VTI1A: variants seen among roughly 807,000 people sequenced by gnomAD.
VTI1A encodes vesicle transport through interaction with t-SNAREs homolog 1A.
Under a neutral mutation model 34.9 loss-of-function variants are expected in VTI1A, and 22 were observed. The ratio of observed to expected loss-of-function variants is 0.63; its 90% CI spans 0.45 to 0.90. The LOEUF (loss-of-function observed/expected upper bound fraction) is 0.90, where lower values mean the gene tolerates loss of function less well. VTI1A is among the 40% of genes least tolerant of loss of function. VTI1A has a pLI of 0.00. For missense variants in VTI1A, 268 were observed against 275.6 expected (o/e 0.97, Z 0.20); for synonymous variants, 87 against 97.3 (o/e 0.89, Z 0.62).
downstream of VTI1A, chr10:112,823,507 G>C (rs913958796): frequency 2.0e-5 from 3 of 152,308 alleles, no homozygotes; most frequent in East Asian, 1.9e-4. Context: ...ATTTTCAAAG[G>C]CTTCTCTCCC....
intron 5 of VTI1A, among the ~76,000 whole-genome samples, chr10:112,561,061 TTC>T (rs1851708490): frequency 6.6e-6 from 1 of 152,160 alleles, no homozygotes; most frequent in Admixed American, 6.5e-5. Context: ...ATTCAAGTGG[TTC>T]TCTCAAAAAA....
chr10:112,686,487 G>A (rs1848419818), intron 7 of VTI1A, among the ~76,000 whole-genome samples: 1 of 152,168 alleles, frequency 6.6e-6, no homozygotes, highest in Non-Finnish European at 1.5e-5. Context: ...CCTTGGGCCT[G>A]TCTGCCTGGG....
At chr10:112,760,624 C>T (rs1851429329) in intron 7 of VTI1A, among the ~76,000 whole-genome samples, 1 of 152,226 alleles carries the variant, frequency 6.6e-6, no homozygotes, top group Non-Finnish European at 1.5e-5. Context: ...GGCACAGTGG[C>T]TCACGCCTGC....
chr10:112,761,382 C>T (rs1367549083), intron 7 of VTI1A, among the ~76,000 whole-genome samples: 4 of 152,112 alleles, frequency 2.6e-5, no homozygotes, highest in East Asian at 1.9e-4. Context: ...AAGACTATAT[C>T]GTCAGGCTTT....
Position 112,486,927 on chromosome 10 carries a change from C to G in VTI1A, c.264+22270C>G, listed in dbSNP as rs183125373. 2.0e-5 allele frequency among the ~76,000 whole-genome samples: 3 copies of G among 151,932 alleles called. No individual in the cohort carries two copies. In the East Asian group the frequency reaches 5.8e-4, roughly 29 times the overall value. ...TTTTTGATTTTGCCACATTTAATCT[C>G]TCTTTACCGCAGTGCATTGTGTATG... On this transcript the variant is annotated intron_variant, in intron 3 of 7. Transcript: ENST00000393077.
At chr10:112,527,033 G>A in intron 3 of VTI1A, 54 bp from the exon 4 acceptor site, 2 of 1,578,724 alleles carry the variant, frequency 1.3e-6, no homozygotes, top group Non-Finnish European at 1.7e-6. Context: ...AAGCTTGGAA[G>A]CTTTTACTTT....
chr10:112,553,915 T>A (rs1851456777), intron 5 of VTI1A, among the ~76,000 whole-genome samples: 1 of 152,210 alleles, frequency 6.6e-6, no homozygotes, highest in South Asian at 2.1e-4. Flanking sequence ...ATTTCTTGCC[T>A]ACTTCACTGC....
At chr10:112,733,866 C>T (rs1010175951) in intron 7 of VTI1A, among the ~76,000 whole-genome samples, 3 of 151,780 alleles carry the variant, frequency 2.0e-5, no homozygotes, top group Admixed American at 2.0e-4. Flanking sequence ...AGTGATTCTC[C>T]TACCTCAGCC....
chr10:112,687,948 C>CTTTTTTTTTTTTTTTTTTTTTTTTTT (rs11442025), intron 7 of VTI1A, among the ~76,000 whole-genome samples: 1 of 115,574 alleles, frequency 8.7e-6, no homozygotes. Context: ...GTGACCAAGT[C>CTTTTTTTTTTTTTTTTTTTTTTTTTT]TTTTTTTTTT....
chr10:112,523,063 C>T (rs961805704), intron 3 of VTI1A, among the ~76,000 whole-genome samples: 6 of 152,018 alleles, frequency 3.9e-5, no homozygotes, highest in African/African-American at 1.2e-4. Flanking sequence ...ATACAGGAGG[C>T]GGTACCACAG....
intron 5 of VTI1A, among the ~76,000 whole-genome samples, chr10:112,560,794 A>G (rs1210761085): frequency 1.3e-5 from 2 of 151,862 alleles, no homozygotes; most frequent in African/African-American, 2.4e-5. Context: ...ACGAGGTTTC[A>G]CCATGTTGGC....
chr10:112,476,131 G>A (rs1225713260), intron 3 of VTI1A, among the ~76,000 whole-genome samples: 2 of 152,162 alleles, frequency 1.3e-5, no homozygotes, highest in African/African-American at 2.4e-5. Flanking sequence ...GTTATTTGGT[G>A]TTTGGAACAT....
intron 3 of VTI1A, 22 bp from the exon 4 acceptor site, chr10:112,527,065 C>G (rs762506370): frequency 6.2e-7 from 1 of 1,610,186 alleles, no homozygotes; most frequent in Non-Finnish European, 8.5e-7. Flanking sequence ...CTCACTCTCT[C>G]CCTTTTTGTT....
At chr10:112,667,702 A>G (rs1847694294) in intron 5 of VTI1A, among the ~76,000 whole-genome samples, 1 of 152,196 alleles carries the variant, frequency 6.6e-6, no homozygotes, top group South Asian at 2.1e-4. Context: ...TGAAGAGAGC[A>G]AAAGCCTAGA....
downstream of VTI1A, among the ~76,000 whole-genome samples, chr10:112,823,156 G>A (rs2134104935): frequency 6.6e-6 from 1 of 152,318 alleles, no homozygotes; most frequent in South Asian, 2.1e-4. Flanking sequence ...CCCCATGACT[G>A]CATTAGCAAA....
intron 5 of VTI1A, among the ~76,000 whole-genome samples, chr10:112,610,813 G>A (rs1223449334): frequency 6.6e-6 from 1 of 152,176 alleles, no homozygotes; most frequent in African/African-American, 2.4e-5. Context: ...CAGCAACTCG[G>A]GAAGCTGAGG....
Position 112,818,397 on chromosome 10 carries a change from A to AG in VTI1A, c.*3018dup, listed in dbSNP as rs571739954. On this transcript the variant is annotated 3_prime_UTR_variant, in exon 8 of 8. Coordinates refer to ENST00000393077, the MANE Select transcript of VTI1A (RefSeq NM_145206.4). Reference sequence around the variant, plus strand: ...AGATTATCAACCCATAGAAGAAGGGAGGGGAAAAAAAAGAAAGAAAGGAAA... The same window carrying AG: ...AGATTATCAACCCATAGAAGAAGGGAGGGGGAAAAAAAAGAAAGAAAGGAAA... 2.5e-3 allele frequency: 569 copies of AG among 232,206 alleles called. 1 individual carries two copies. The highest frequency in any genetic ancestry group is 0.012 in the African/African-American group (532 of 45,374). 14.4% of individuals were successfully genotyped at this position (232,206 alleles called of 1,614,324 possible). A position where few individuals can be genotyped will look rare whatever the true frequency, so the allele number is the denominator to read the frequency against.
chr10:112,792,758 G>A (rs574316489), intron 7 of VTI1A, among the ~76,000 whole-genome samples: 2 of 152,306 alleles, frequency 1.3e-5, no homozygotes, highest in African/African-American at 2.4e-5. Context: ...GAGGGGAAAG[G>A]TGGGGACTGT....
intron 3 of VTI1A, among the ~76,000 whole-genome samples, chr10:112,473,592 G>T (rs981629332): frequency 1.3e-5 from 2 of 152,114 alleles, no homozygotes; most frequent in East Asian, 3.8e-4. Flanking sequence ...ATTTGAACAG[G>T]ATTATTTGAT....
Sources: allele counts gnomAD v4.1 joint callset (sites outside exome capture counted in the v4.1 genomes callset), GRCh38; gene constraint gnomAD v4.1.1; transcripts MANE v1.5; gene names NCBI Gene and HGNC (gene_info 2026-07-23, HGNC 2026-07-21).